Variants in SDK1 observed in about 807,000 individuals in gnomAD.
SDK1 encodes the protein sidekick cell adhesion molecule 1, also known as protein sidekick-1.
SDK1 carries 157 observed loss-of-function variants against 245.5 expected under a neutral mutation model. The observed-to-expected ratio is 0.64, with a 90% confidence interval of 0.56 to 0.73. The LOEUF (loss-of-function observed/expected upper bound fraction) is 0.73, where lower values mean the gene tolerates loss of function less well. SDK1 is among the 30% of genes least tolerant of loss of function. The probability of loss-of-function intolerance (pLI) is 0.00; values close to 1 mark genes in which losing one functional copy is unlikely to be tolerated. For missense variants in SDK1, 3,583 were observed against 3,002.3 expected (o/e 1.19, Z -4.52); for synonymous variants, 1,647 against 1,278.5 (o/e 1.29, Z -6.15).
chr7:4,131,677 C>G (rs1457920111), intron 27 of SDK1, among the ~76,000 whole-genome samples: 1 of 152,140 alleles, frequency 6.6e-6, no homozygotes, highest in Non-Finnish European at 1.5e-5. Context: ...ATGAGGGCCA[C>G]AACCCTATTA....
intron 1 of SDK1, among the ~76,000 whole-genome samples, chr7:3,579,758 C>G (rs1189552312): frequency 6.6e-6 from 1 of 152,018 alleles, no homozygotes; most frequent in Non-Finnish European, 1.5e-5. Context: ...TTGCAATTCC[C>G]CAAAGAGGTA....
At chr7:3,795,494 AT>A (rs1778940831) in intron 4 of SDK1, among the ~76,000 whole-genome samples, 1 of 152,150 alleles carries the variant, frequency 6.6e-6, no homozygotes, top group Non-Finnish European at 1.5e-5. Flanking sequence ...TCTGAAAGGA[AT>A]CTTAGTGACT....
chr7:3,869,392 G>T (rs1033287839), intron 5 of SDK1, among the ~76,000 whole-genome samples: 3 of 152,076 alleles, frequency 2.0e-5, no homozygotes, highest in African/African-American at 7.2e-5. Flanking sequence ...CTGGCCTCAG[G>T]TGATCTGCCT....
At chr7:4,241,660 A>C in intron 42 of SDK1, 133 bp from the exon 43 acceptor site, 1 of 1,039,436 alleles carries the variant, frequency 9.6e-7, no homozygotes. Flanking sequence ...GCACAGCTGA[A>C]GCAGGTATCC....
At chr7:3,911,066 C>G (rs914890203) in intron 5 of SDK1, among the ~76,000 whole-genome samples, 5 of 152,186 alleles carry the variant, frequency 3.3e-5, no homozygotes, top group African/African-American at 1.2e-4. Context: ...GTCAGCTCTC[C>G]ATTTTGGGGG....
chr7:4,011,958 T>C (rs1786003229), intron 15 of SDK1, 137 bp from the exon 16 acceptor site: 4 of 602,834 alleles, frequency 6.6e-6, no homozygotes. Flanking sequence ...TTTCATTGGC[T>C]GTGTGTTTTG....
rs539596625 is a variant in SDK1 at position 4,099,557 on chromosome 7, G to A, written c.3325-11106G>A. On this transcript the variant is annotated intron_variant, in intron 22 of 44. Coordinates refer to ENST00000404826, the MANE Select transcript of SDK1 (RefSeq NM_152744.4). ...GAGGCATGAAGCCCTGAGTGTGAGC[G>A]CTCACAGAGGATGAGGTGGGACTGG... Among the ~76,000 whole-genome samples the A allele has an allele frequency of 7.7e-5, 7 of 90,882 alleles. 1 individual carries two copies. The highest frequency in any genetic ancestry group is 6.2e-4 in the East Asian group (2 of 3,212). The allele number at this position is 90,882 out of a possible 152,430, so 59.6% of individuals were successfully genotyped here. A position where few individuals can be genotyped will look rare whatever the true frequency, so the allele number is the denominator to read the frequency against.
chr7:3,435,077 A>C (rs1209056649), intron 1 of SDK1, among the ~76,000 whole-genome samples: 4 of 152,134 alleles, frequency 2.6e-5, no homozygotes, highest in Non-Finnish European at 4.4e-5. Flanking sequence ...TCTTTTTCTG[A>C]TTAGTTCATT....
chr7:4,193,380 ATAT>A (rs1783353038), intron 35 of SDK1, among the ~76,000 whole-genome samples: 1 of 135,776 alleles, frequency 7.4e-6, no homozygotes, highest in Non-Finnish European at 1.5e-5. Flanking sequence ...ATTTATATAT[ATAT>A]ATATATATAT....
In SDK1 at chr7:3,698,707, T is replaced by C. The variant is rs530808120; in HGVS notation, c.713+56602T>C. 2.6e-5 allele frequency among the ~76,000 whole-genome samples: 4 copies of C among 152,316 alleles called. No homozygotes were observed. In the East Asian group the frequency reaches 7.7e-4, roughly 29 times the overall value. ...TCTTGGTGAGGGCTTTCTTCCTGGC[T>C]TGTAAACAACCACCTTCTCGCTGTG... On this transcript the variant is annotated intron_variant, in intron 4 of 44. Coordinates refer to ENST00000404826, the MANE Select transcript of SDK1 (RefSeq NM_152744.4).
intron 1 of SDK1, among the ~76,000 whole-genome samples, chr7:3,420,032 A>C (rs997244915): frequency 5.3e-5 from 8 of 152,202 alleles, no homozygotes; most frequent in Admixed American, 1.3e-4. Context: ...TGGGTTTTTG[A>C]AATCTGTCTC....
intron 1 of SDK1, among the ~76,000 whole-genome samples, chr7:3,337,385 A>G (rs908490236): frequency 4.0e-5 from 6 of 151,022 alleles, no homozygotes; most frequent in African/African-American, 1.2e-4. Flanking sequence ...AAAAAGTCTC[A>G]TAGACCTCTG....
At chr7:4,113,775 A>G (rs1244545964) in intron 24 of SDK1, among the ~76,000 whole-genome samples, 1 of 152,236 alleles carries the variant, frequency 6.6e-6, no homozygotes, top group Non-Finnish European at 1.5e-5. Context: ...AGCCAGCCTG[A>G]TATTTAATCA....
At chr7:3,485,493 C>A (rs1293059268) in intron 1 of SDK1, among the ~76,000 whole-genome samples, 1 of 152,122 alleles carries the variant, frequency 6.6e-6, no homozygotes, top group Non-Finnish European at 1.5e-5. Context: ...GGCTGTGCTG[C>A]CTGGGGATGA....
chr7:3,521,873 G>T (rs56234403), intron 1 of SDK1, among the ~76,000 whole-genome samples: 39,612 of 151,972 alleles, frequency 0.26, 5,348 homozygotes, highest in East Asian at 0.33. Flanking sequence ...AGGGATTTTA[G>T]TTCACCAAGA....
Position 3,611,993 on chromosome 7 carries a change from G to C in SDK1, c.299-7087G>C, listed in dbSNP as rs1044628487. ...ACCATTATTCTAAGTGAAGTAACTG[G>C]GGAATGGAAAACCAAACATTGTATC... On this transcript the variant is annotated intron_variant, in intron 1 of 44. Coordinates refer to ENST00000404826, the MANE Select transcript of SDK1 (RefSeq NM_152744.4). Among the ~76,000 whole-genome samples the C allele has an allele frequency of 5.9e-5, 9 of 152,238 alleles. No homozygotes were observed. The East Asian group carries it at 1.4e-3, about 23-fold the overall frequency.
chr7:4,223,907 A>T (rs1162842508), intron 40 of SDK1, among the ~76,000 whole-genome samples: 1 of 152,176 alleles, frequency 6.6e-6, no homozygotes, highest in East Asian at 1.9e-4. Flanking sequence ...TTACGTTGAA[A>T]TCACAGTCAT....
At chr7:4,194,863 A>T (rs595784) in intron 35 of SDK1, among the ~76,000 whole-genome samples, 59,087 of 152,018 alleles carry the variant, frequency 0.39, 12,198 homozygotes, top group Middle Eastern at 0.59. Flanking sequence ...GTTGACACTC[A>T]GTATTAACCA....
chr7:3,354,914 C>G (rs1253479548), intron 1 of SDK1, among the ~76,000 whole-genome samples: 1 of 152,188 alleles, frequency 6.6e-6, no homozygotes, highest in South Asian at 2.1e-4. Flanking sequence ...ACAATAGATG[C>G]TTAAAATAAT....
Sources: allele counts gnomAD v4.1 joint callset (sites outside exome capture counted in the v4.1 genomes callset), GRCh38; gene constraint gnomAD v4.1.1; transcripts MANE v1.5; gene names NCBI Gene and HGNC (gene_info 2026-07-23, HGNC 2026-07-21).